The following KCNT1 variants were observed in gnomAD, a reference collection of about 807,000 sequenced individuals.
The protein encoded by KCNT1 is potassium sodium-activated channel subfamily T member 1, also known as potassium channel subfamily T member 1.
Under a neutral mutation model 147.8 loss-of-function variants are expected in KCNT1, and 78 were observed. The ratio of observed to expected loss-of-function variants is 0.53; its 90% CI spans 0.44 to 0.64. KCNT1 has a LOEUF of 0.64. KCNT1 is among the 30% of genes least tolerant of loss of function. The pLI is 0.00. For synonymous variants in KCNT1, 867 were observed against 748.8 expected (o/e 1.16, Z -2.58); for missense variants, 1,419 against 1,750.3 (o/e 0.81, Z 3.38).
At chr9:135,763,657 C>T (rs1289180760) in intron 11 of KCNT1, among the ~76,000 whole-genome samples, 1 of 152,180 alleles carries the variant, frequency 6.6e-6, no homozygotes, top group East Asian at 1.9e-4. Context: ...CCCGTGTGCA[C>T]TTGGCCTCTT....
intron 29 of KCNT1, chr9:135,789,198 A>G (rs1834313294): frequency 2.0e-5 from 3 of 150,896 alleles, no homozygotes; most frequent in Admixed American, 2.0e-4. Context: ...TGCGGCTCCC[A>G]CTGCAGCTCC....
At chr9:135,712,292 A>G (rs1257969969) in intron 1 of KCNT1, among the ~76,000 whole-genome samples, 1 of 152,230 alleles carries the variant, frequency 6.6e-6, no homozygotes, top group African/African-American at 2.4e-5. Context: ...TCCTTAAGCC[A>G]CCAAACACAG....
intron 9 of KCNT1, among the ~76,000 whole-genome samples, chr9:135,757,858 C>A (rs555325920): frequency 2.0e-5 from 3 of 152,342 alleles, no homozygotes; most frequent in Admixed American, 1.3e-4. Context: ...GGCGCCCACC[C>A]TCTCCAAGCC....
chr9:135,754,383 C>A (rs904809487), intron 5 of KCNT1, among the ~76,000 whole-genome samples: 2 of 152,244 alleles, frequency 1.3e-5, no homozygotes, highest in Non-Finnish European at 2.9e-5. Flanking sequence ...TTCCTGAGCC[C>A]AGTGAGAGAT....
intron 1 of KCNT1, among the ~76,000 whole-genome samples, chr9:135,709,320 A>C (rs1835385689): frequency 6.6e-6 from 1 of 152,184 alleles, no homozygotes; most frequent in African/African-American, 2.4e-5. Flanking sequence ...TCTTGGCTGT[A>C]GCTGTCAGTC....
intron 24 of KCNT1, among the ~76,000 whole-genome samples, chr9:135,782,641 C>T (rs1376183787): frequency 6.6e-6 from 1 of 152,230 alleles, no homozygotes; most frequent in Non-Finnish European, 1.5e-5. Flanking sequence ...TCTGGAAGGT[C>T]CTGAAACGTC....
In KCNT1 at chr9:135,733,905, G is replaced by A. The variant is rs1324678682; in HGVS notation, c.255-16193G>A. On this transcript the variant is annotated intron_variant, in intron 2 of 30. Transcript: ENST00000371757. ...CTGCTCCTTTTGTCTTCCCCACCTT[G>A]GGGTGTCACCACCTGCCTGTTCCCT... Among the ~76,000 whole-genome samples the A allele has an allele frequency of 2.8e-5, 4 of 144,724 alleles. No individual in the cohort carries two copies. In the East Asian group the frequency reaches 8.4e-4, roughly 30 times the overall value. 94.9% of individuals were successfully genotyped at this position (144,724 alleles called of 152,430 possible). A position where few individuals can be genotyped will look rare whatever the true frequency, so the allele number is the denominator to read the frequency against.
chr9:135,738,977 A>C (rs186279369), intron 2 of KCNT1, among the ~76,000 whole-genome samples: 25 of 152,224 alleles, frequency 1.6e-4, no homozygotes, highest in Admixed American at 1.4e-3. Context: ...ACCCCGCTGC[A>C]TCAGGAGGCC....
At chr9:135,770,669 C>CCCCAGCTCTCTGGT (rs1435938572) in intron 17 of KCNT1, among the ~76,000 whole-genome samples, 188 bp from the exon 18 acceptor site, 3 of 152,214 alleles carry the variant, frequency 2.0e-5, no homozygotes, top group Admixed American at 6.5e-5. Context: ...TGTGGGCTGA[C>CCCCAGCTCTCTGGT]CCCAGCTCTC....
intron 24 of KCNT1, 55 bp from the exon 25 acceptor site, chr9:135,783,969 G>A (rs762309733): frequency 4.5e-5 from 63 of 1,401,538 alleles, no homozygotes; most frequent in South Asian, 9.2e-5. Flanking sequence ...CGTGGCTGCC[G>A]TGCCACTGGA....
intron 20 of KCNT1, among the ~76,000 whole-genome samples, chr9:135,776,575 T>C (rs2131540913): frequency 6.6e-6 from 1 of 152,332 alleles, no homozygotes; most frequent in Admixed American, 6.5e-5. Context: ...CATCTGTGGA[T>C]GGTTTCCAGT....
At chr9:135,732,003 G>C (rs1360067079) in intron 2 of KCNT1, among the ~76,000 whole-genome samples, 1 of 69,976 alleles carries the variant, frequency 1.4e-5, no homozygotes, top group Non-Finnish European at 3.0e-5. Context: ...GAGAGAGAGA[G>C]AGAGAGAGAG....
chr9:135,791,435 C>G, intron 29 of KCNT1: 1 of 280,028 alleles, frequency 3.6e-6, no homozygotes, highest in Non-Finnish European at 6.9e-6. Flanking sequence ...GGTGAACAGA[C>G]ACGTCCCGGT....
intron 4 of KCNT1, chr9:135,753,635 T>G (rs756603892): frequency 2.0e-6 from 1 of 501,636 alleles, no homozygotes; most frequent in Non-Finnish European, 3.6e-6. Context: ...GTGTTGCTGT[T>G]GGGTTGGGGC....
intron 2 of KCNT1, among the ~76,000 whole-genome samples, chr9:135,723,217 A>G (rs982453670): frequency 1.3e-5 from 2 of 152,234 alleles, no homozygotes; most frequent in African/African-American, 2.4e-5. Flanking sequence ...CCTGCAGGGC[A>G]GCACCCCAGA....
Position 135,786,434 on chromosome 9 carries a change from A to AGC in KCNT1, c.3416_3417dup (p.Leu1140AlafsTer15). 6.3e-7 allele frequency: 1 copy of AGC among 1,595,196 alleles called. No homozygotes were observed. The highest frequency in any genetic ancestry group is 8.5e-7 in the Non-Finnish European group (1 of 1,171,984). On this transcript the variant is annotated frameshift_variant, in exon 29 of 31. Transcript: ENST00000371757. LOFTEE classifies it high-confidence loss of function. ...GGAGTGGATCAGCCAGCAGCGCCTC[A>AGC]GCCTGTACCGGCGCTCTGAGCGCCA...
rs56307359 is a variant in KCNT1 at position 135,730,990 on chromosome 9, T to TAAAAAAAAAAA, written c.254+16283_254+16293dup. On this transcript the variant is annotated intron_variant, in intron 2 of 30. Transcript: ENST00000371757. The surrounding 1 kb of genome is among the most constrained non-coding windows in gnomAD (Gnocchi z 4.7). ...AACAAAGTGAGATCCCGTCTCAAGG[T>TAAAAAAAAAAA]AAAAAAAAAAAAAAAAAAAAAAAGT... is the stretch of plus-strand genomic sequence containing the variant. 1.4e-4 allele frequency among the ~76,000 whole-genome samples: 12 copies of TAAAAAAAAAAA among 85,592 alleles called. No individual in the cohort carries two copies. The highest frequency in any genetic ancestry group is 2.2e-4 in the Non-Finnish European group (10 of 44,670). The allele number at this position is 85,592 out of a possible 152,430, so 56.2% of individuals were successfully genotyped here.
chr9:135,786,176 GCCCT>G lies in KCNT1; in HGVS notation c.3178-20_3178-17del. The G allele has an allele frequency of 1.6e-6, 2 of 1,212,182 alleles. No homozygotes were observed. Among genetic ancestry groups the G allele is most frequent in the African/African-American group, 2.8e-5 (1 of 35,924 alleles). 75.1% of individuals were successfully genotyped at this position (1,212,182 alleles called of 1,614,324 possible). A position where few individuals can be genotyped will look rare whatever the true frequency, so the allele number is the denominator to read the frequency against. ...CGGCAGCCTCACCCCTCCCCGCCCT[GCCCT>G]GCCCTGCCCTGCCCAGTCCCAGATC... is the stretch of plus-strand genomic sequence containing the variant. On this transcript the variant is annotated splice_polypyrimidine_tract_variant and intron_variant, in intron 28 of 30. Transcript: ENST00000371757.
chr9:135,705,761 G>T (rs1384639866), intron 1 of KCNT1, among the ~76,000 whole-genome samples: 1 of 152,264 alleles, frequency 6.6e-6, no homozygotes, highest in Non-Finnish European at 1.5e-5. Flanking sequence ...GCCCAGGGAG[G>T]TGAGACCAGT....
Sources: allele counts gnomAD v4.1 joint callset (sites outside exome capture counted in the v4.1 genomes callset), GRCh38; gene constraint gnomAD v4.1.1; non-coding constraint Gnocchi (gnomAD v3.1); transcripts MANE v1.5; gene names NCBI Gene and HGNC (gene_info 2026-07-23, HGNC 2026-07-21).